The following UTRN variants were observed in gnomAD, a reference collection of about 807,000 sequenced individuals.
UTRN encodes the protein dystrophin-related protein 1.
In UTRN, 283 loss-of-function variants were observed where a neutral mutation model predicts 463.9. The ratio of observed to expected loss-of-function variants is 0.61; its 90% CI spans 0.55 to 0.67. The LOEUF (loss-of-function observed/expected upper bound fraction) is 0.67, where lower values mean the gene tolerates loss of function less well. UTRN is among the 30% of genes least tolerant of loss of function. The pLI is 0.00. For missense variants in UTRN, 3,922 were observed against 4,084.3 expected, an observed-to-expected ratio of 0.96 and a Z score of 1.08; for synonymous variants, 1,442 against 1,431.5, an observed-to-expected ratio of 1.01 and a Z score of -0.17.
At position 144,748,256 on chromosome 6, in the gene UTRN, T is replaced by G. The variant is rs1423751522; in HGVS notation, c.7950T>G (p.Pro2650=). 6.2e-7 allele frequency: 1 copy of G among 1,610,778 alleles called. No homozygotes were observed. Among genetic ancestry groups the G allele is most frequent in the South Asian group, 1.1e-5 (1 of 90,902 alleles). The change falls in exon 55 of 75, where the codon CCT becomes CCG. Residue 2650 remains proline (P), a synonymous_variant. Transcript: ENST00000367545. ...RNLQSKTELT[P]EERAQKIAKA... Reference sequence around the variant, plus strand: ...TTTTTTTAATCACAGAATTAACTCCTGAGGAGAGAGCCCAAAAGATTGCCA... The same window carrying G: ...TTTTTTTAATCACAGAATTAACTCCGGAGGAGAGAGCCCAAAAGATTGCCA...
At chr6:144,543,915 C>A (rs1211493018) in intron 46 of UTRN, among the ~76,000 whole-genome samples, 1 of 152,034 alleles carries the variant, frequency 6.6e-6, no homozygotes, top group Non-Finnish European at 1.5e-5. Flanking sequence ...GGGGCCTGAT[C>A]AAGTTTCTTG....
intron 3 of UTRN, among the ~76,000 whole-genome samples, chr6:144,408,967 G>A (rs372262337): frequency 6.6e-6 from 1 of 152,254 alleles, no homozygotes; most frequent in East Asian, 1.9e-4. Context: ...TACACATTGG[G>A]TCTGCCATTG....
intron 33 of UTRN, among the ~76,000 whole-genome samples, chr6:144,496,002 A>G (rs1258566871): frequency 6.6e-6 from 1 of 152,224 alleles, no homozygotes; most frequent in African/African-American, 2.4e-5. Context: ...ACCAGTGGCA[A>G]GAAGTTCACA....
intron 33 of UTRN, among the ~76,000 whole-genome samples, chr6:144,497,735 GTTGACATTTTAAGTACCT>G (rs943663002): frequency 9.9e-5 from 15 of 151,900 alleles, no homozygotes; most frequent in African/African-American, 3.4e-4. Flanking sequence ...TATTGGACAT[GTTGACATTTTAAGTACCT>G]TTGAGAATGT....
intron 54 of UTRN, among the ~76,000 whole-genome samples, chr6:144,741,301 C>T (rs762853775): frequency 1.3e-5 from 2 of 152,158 alleles, no homozygotes; most frequent in Non-Finnish European, 1.5e-5. Context: ...AGCTGGGAAG[C>T]AGCCTGGGGA....
chr6:144,376,682 A>G (rs559974773), intron 2 of UTRN, among the ~76,000 whole-genome samples: 110 of 152,242 alleles, frequency 7.2e-4, no homozygotes, highest in Non-Finnish European at 1.3e-3. Context: ...CATTTATAGC[A>G]TTATGTTCTT....
intron 68 of UTRN, among the ~76,000 whole-genome samples, chr6:144,828,482 C>G (rs1301550346): frequency 6.6e-6 from 1 of 152,094 alleles, no homozygotes; most frequent in Non-Finnish European, 1.5e-5. Context: ...TTGAGAATGT[C>G]ACGCTCACTT....
At chr6:144,763,454 A>G (rs9285504) in intron 58 of UTRN, among the ~76,000 whole-genome samples, 71,431 of 152,078 alleles carry the variant, frequency 0.47, 21,632 homozygotes, top group East Asian at 0.87. Context: ...AGGAATTGAA[A>G]TTTGTAATAG....
At chr6:144,808,506 A>G (rs1778339929) in intron 65 of UTRN, among the ~76,000 whole-genome samples, 1 of 152,164 alleles carries the variant, frequency 6.6e-6, no homozygotes, top group Non-Finnish European at 1.5e-5. Flanking sequence ...ATATGTTGTT[A>G]GAGCATATAA....
chr6:144,707,633 G>A (rs1224381049), intron 53 of UTRN, among the ~76,000 whole-genome samples: 1 of 152,194 alleles, frequency 6.6e-6, no homozygotes, highest in Non-Finnish European at 1.5e-5. Context: ...GAGGATATGG[G>A]CTCAACCTAT....
At chr6:144,823,963 A>G (rs1232133783) in intron 66 of UTRN, among the ~76,000 whole-genome samples, 2 of 152,202 alleles carry the variant, frequency 1.3e-5, no homozygotes, top group East Asian at 3.8e-4. Context: ...AGTTGCAGTT[A>G]ACATCCGACT....
At chr6:144,781,360 T>C (rs542053198) in intron 60 of UTRN, among the ~76,000 whole-genome samples, 1 of 152,336 alleles carries the variant, frequency 6.6e-6, no homozygotes, top group Admixed American at 6.5e-5. Context: ...CGGGCTTGAT[T>C]CAGCAGGCAG....
chr6:144,531,538 C>T (rs1353778413), intron 42 of UTRN, among the ~76,000 whole-genome samples: 1 of 152,158 alleles, frequency 6.6e-6, no homozygotes, highest in East Asian at 1.9e-4. Flanking sequence ...GCATGCCTCA[C>T]CTCTGTTTTT....
At chr6:144,349,892 C>G (rs576519696) in intron 2 of UTRN, among the ~76,000 whole-genome samples, 2 of 152,192 alleles carry the variant, frequency 1.3e-5, no homozygotes, top group Non-Finnish European at 2.9e-5. Flanking sequence ...GCGACTCCCT[C>G]GCTCCTGCTC....
chr6:144,324,198 T>A (rs1157363213), intron 2 of UTRN, among the ~76,000 whole-genome samples: 4 of 152,210 alleles, frequency 2.6e-5, no homozygotes, highest in African/African-American at 4.8e-5. Context: ...TGTATTTATT[T>A]TGGCATACAT....
intron 51 of UTRN, among the ~76,000 whole-genome samples, chr6:144,633,367 C>G (rs1459315646): frequency 6.6e-6 from 1 of 151,932 alleles, no homozygotes; most frequent in Non-Finnish European, 1.5e-5. Flanking sequence ...GTAGCTGGGA[C>G]TACAGGCACC....
At chr6:144,393,942 C>A (rs1208537160) in intron 2 of UTRN, among the ~76,000 whole-genome samples, 1 of 152,166 alleles carries the variant, frequency 6.6e-6, no homozygotes, top group Non-Finnish European at 1.5e-5. Flanking sequence ...TTCTTTGATG[C>A]TACCTGGAGA....
intron 55 of UTRN, among the ~76,000 whole-genome samples, chr6:144,749,639 A>C (rs925250294): frequency 3.3e-5 from 5 of 152,208 alleles, no homozygotes; most frequent in Admixed American, 3.3e-4. Context: ...AAGCTCTTCA[A>C]AAACAAAAGA....
chr6:144,401,737 C>G (rs996667065), intron 2 of UTRN, among the ~76,000 whole-genome samples: 1 of 152,052 alleles, frequency 6.6e-6, no homozygotes, highest in Admixed American at 6.6e-5. Flanking sequence ...ACAAACTCTC[C>G]TTCCACAAGG....
Sources: gnomAD v4.1 joint callset for allele counts (sites outside exome capture counted in the v4.1 genomes callset) on GRCh38, gnomAD v4.1.1 for gene constraint, MANE v1.5 for transcripts, NCBI Gene and HGNC (gene_info 2026-07-23, HGNC 2026-07-21) for gene names.